The following MACROD2 variants were observed in gnomAD, a reference collection of about 807,000 sequenced individuals.
MACROD2 encodes the protein ADP-ribose glycohydrolase MACROD2.
A neutral mutation model predicts 70.4 loss-of-function variants in MACROD2; 36 were observed. The ratio of observed to expected loss-of-function variants is 0.51; its 90% CI spans 0.39 to 0.68. The LOEUF (loss-of-function observed/expected upper bound fraction) is 0.68. MACROD2 is among the 30% of genes least tolerant of loss of function. MACROD2 has a pLI of 0.00. For missense variants in MACROD2, 496 were observed against 538.4 expected (o/e 0.92, Z 0.78); for synonymous variants, 172 against 178.8 (o/e 0.96, Z 0.30).
At chr20:16,043,972 A>AAG (rs2067342722) in intron 16 of MACROD2, among the ~76,000 whole-genome samples, 1 of 152,108 alleles carries the variant, frequency 6.6e-6, no homozygotes. Flanking sequence ...CAGTTGAGGG[A>AAG]AGAGGCAATC....
intron 6 of MACROD2, among the ~76,000 whole-genome samples, chr20:15,400,312 C>A (rs1400495228): frequency 6.6e-6 from 1 of 152,192 alleles, no homozygotes; most frequent in Admixed American, 6.5e-5. Context: ...CCCCAGGACA[C>A]CCTCTTCCTT....
Position 15,919,713 on chromosome 20 carries a change from T to C in MACROD2, c.776-13563T>C, listed in dbSNP as rs181974726. The stretch of plus-strand genomic sequence containing the variant: ...TCGCGCCACTGGACTCCAGCCAGGA[T>C]GACAGTACGAGACTCCATTTGAAAA... On this transcript the variant is annotated intron_variant, in intron 10 of 17. Coordinates refer to ENST00000684519, the MANE Select transcript of MACROD2 (RefSeq NM_001351661.2). Among the ~76,000 whole-genome samples the C allele has an allele frequency of 3.0e-4, 46 of 151,946 alleles. 1 individual carries two copies. The highest frequency in any genetic ancestry group is 6.8e-3 in the Middle Eastern group (2 of 292).
intron 8 of MACROD2, among the ~76,000 whole-genome samples, chr20:15,520,314 A>T (rs867239112): frequency 2.5e-4 from 38 of 152,304 alleles, no homozygotes; most frequent in African/African-American, 8.4e-4. Context: ...AAGTGTCTAG[A>T]TTGGGGCAAA....
chr20:15,549,285 C>T (rs1050252225), intron 8 of MACROD2, among the ~76,000 whole-genome samples: 10 of 152,186 alleles, frequency 6.6e-5, no homozygotes, highest in African/African-American at 1.9e-4. Flanking sequence ...GCTTGTCTTG[C>T]AAGCTTTGCT....
intron 5 of MACROD2, among the ~76,000 whole-genome samples, chr20:15,179,777 A>G (rs1224904244): frequency 1.3e-5 from 2 of 152,206 alleles, no homozygotes; most frequent in African/African-American, 4.8e-5. Context: ...GGTCATTCTT[A>G]CTAACCAACA....
intron 8 of MACROD2, among the ~76,000 whole-genome samples, chr20:15,500,127 A>G (rs1447239453): frequency 6.6e-6 from 1 of 152,210 alleles, no homozygotes; most frequent in African/African-American, 2.4e-5. Flanking sequence ...TATGTGTGAA[A>G]AAGAGAAGGG....
chr20:14,085,674 T>A lies in MACROD2; in HGVS notation c.217T>A (p.Ser73Thr), dbSNP rs2054068024. ...GAAGAAAAGTTTGACTGAAAAAGTTTCTCTCTATAGAGGTGACATCACATT... is the reference window on the plus strand; with the variant it reads ...GAAGAAAAGTTTGACTGAAAAAGTTACTCTCTATAGAGGTGACATCACATT... ...QVKKSLTEKV[S>T]LYRGDITLLE... Residue 73 changes from serine to threonine, a missense_variant, in exon 3 of 18, where the codon TCT becomes ACT. By Grantham distance (58) the Ser-to-Thr change is moderately conservative. Coordinates refer to ENST00000684519, the MANE Select transcript of MACROD2 (RefSeq NM_001351661.2). The A allele has an allele frequency of 6.3e-7, 1 of 1,580,834 alleles. No individual in the cohort carries two copies. Among genetic ancestry groups the A allele is most frequent in the Non-Finnish European group, 8.6e-7 (1 of 1,163,022 alleles).
chr20:14,957,713 G>A (rs1201516082), intron 5 of MACROD2, among the ~76,000 whole-genome samples: 10 of 152,148 alleles, frequency 6.6e-5, no homozygotes, highest in African/African-American at 2.4e-4. Flanking sequence ...CTGTGGGACA[G>A]AACCAGTGTG....
intron 8 of MACROD2, among the ~76,000 whole-genome samples, chr20:15,729,865 G>A (rs1255336849): frequency 1.8e-5 from 2 of 113,308 alleles, no homozygotes; most frequent in Non-Finnish European, 3.5e-5. Flanking sequence ...TTTCACTCTT[G>A]TCGCCCAGGC....
chr20:15,137,724 AT>A (rs879496201), intron 5 of MACROD2, among the ~76,000 whole-genome samples: 21 of 152,082 alleles, frequency 1.4e-4, no homozygotes, highest in African/African-American at 4.6e-4. Flanking sequence ...ATAAAAAAAA[AT>A]AATAATCTTA....
At chr20:14,101,803 C>T in intron 3 of MACROD2, among the ~76,000 whole-genome samples, 1 of 151,270 alleles carries the variant, frequency 6.6e-6, no homozygotes, top group Non-Finnish European at 1.5e-5. Context: ...CGTGAGACAA[C>T]AGCTGCTTCG....
chr20:14,982,194 G>T (rs1252229459), intron 5 of MACROD2, among the ~76,000 whole-genome samples: 1 of 152,076 alleles, frequency 6.6e-6, no homozygotes, highest in Non-Finnish European at 1.5e-5. Context: ...TAGGGTATCT[G>T]GTGGAAGAAA....
At chr20:15,224,377 C>G (rs2076887267) in intron 5 of MACROD2, among the ~76,000 whole-genome samples, 1 of 152,078 alleles carries the variant, frequency 6.6e-6, no homozygotes, top group Admixed American at 6.6e-5. Context: ...CAAATGTATG[C>G]CATTCATTTC....
chr20:15,658,888 G>C (rs1264567274), intron 8 of MACROD2, among the ~76,000 whole-genome samples: 2 of 152,174 alleles, frequency 1.3e-5, no homozygotes, highest in South Asian at 2.1e-4. Flanking sequence ...CAACAATACT[G>C]TCAAGATCTT....
rs140769088 is a variant in MACROD2, at chr20:15,669,128, A to G, written c.645+169281A>G. The stretch of plus-strand genomic sequence containing the variant: ...AAGTCCAACTATGTTGTTTATTTTT[A>G]TCTCATAACTAACTAGCTTGATGTA... On this transcript the variant is annotated intron_variant, in intron 8 of 17. Transcript: ENST00000684519. Among the ~76,000 whole-genome samples, 310 of 152,338 alleles carry G rather than the reference A, an allele frequency of 2.0e-3. 2 individuals carry two copies. In the Middle Eastern group the frequency reaches 0.02, roughly 10 times the overall value.
intron 5 of MACROD2, among the ~76,000 whole-genome samples, chr20:15,062,799 C>G (rs537364195): frequency 9.2e-5 from 14 of 152,122 alleles, no homozygotes; most frequent in Non-Finnish European, 2.1e-4. Flanking sequence ...CCGAATAGAA[C>G]TTGGGACCAA....
chr20:15,023,015 T>C (rs2075201205), intron 5 of MACROD2: 1 of 151,972 alleles, frequency 6.6e-6, no homozygotes, highest in Non-Finnish European at 1.5e-5. Context: ...TTTTCCAGAG[T>C]GTCATATAGA....
intron 6 of MACROD2, among the ~76,000 whole-genome samples, chr20:15,427,889 T>A (rs2046319160): frequency 6.6e-6 from 1 of 152,162 alleles, no homozygotes; most frequent in African/African-American, 2.4e-5. Context: ...CATTTGACAA[T>A]GTCTAGAAAT....
intron 8 of MACROD2, among the ~76,000 whole-genome samples, chr20:15,617,430 C>T (rs761585477): frequency 1.8e-4 from 27 of 152,156 alleles, no homozygotes; most frequent in Non-Finnish European, 3.4e-4. Flanking sequence ...TAGATCCCGT[C>T]ACAAAACTTA....
Sources: allele counts gnomAD v4.1 joint callset (sites outside exome capture counted in the v4.1 genomes callset), GRCh38; gene constraint gnomAD v4.1.1; transcripts MANE v1.5; gene names NCBI Gene and HGNC (gene_info 2026-07-23, HGNC 2026-07-21).